Variants in DMD observed in about 807,000 individuals in gnomAD.
DMD encodes dystrophin.
A neutral mutation model predicts 330.1 loss-of-function variants in DMD; 63 were observed. The observed-to-expected ratio is 0.19, with a 90% CI of 0.16 to 0.24. The LOEUF (loss-of-function observed/expected upper bound fraction) is 0.24, where lower values mean the gene tolerates loss of function less well. Ranked by LOEUF, DMD falls within the 10% of genes least tolerant of loss-of-function variation. The pLI, the probability that DMD is intolerant of heterozygous loss-of-function variation, is 1.00. For missense variants in DMD, 3,344 were observed against 2,684.1 expected (o/e 1.25, Z -5.43); for synonymous variants, 1,223 against 959.8 (o/e 1.27, Z -5.07).
At chrX:31,679,683 C>T in intron 52 of DMD, 97 bp from the exon 53 acceptor site, 1 of 757,857 alleles carries the variant, frequency 1.3e-6, no homozygotes, top group Admixed American at 2.6e-5. Context: ...ATTTATGTTG[C>T]TTATTTAAAA....
At chrX:32,810,041 G>C (rs1382842696) in intron 6 of DMD, among the ~76,000 whole-genome samples, 1 of 109,298 alleles carries the variant, frequency 9.1e-6, no homozygotes, top group Non-Finnish European at 1.9e-5. Flanking sequence ...AGGATCACCT[G>C]AGCCCAGGGA....
intron 55 of DMD, among the ~76,000 whole-genome samples, chrX:31,614,489 A>T (rs780188967): frequency 5.3e-5 from 6 of 112,294 alleles, no homozygotes; most frequent in Non-Finnish European, 1.1e-4. Flanking sequence ...TGAATAGTCA[A>T]TAGTCAACAT....
intron 62 of DMD, among the ~76,000 whole-genome samples, chrX:31,292,339 T>C (rs1178341021): frequency 9.0e-6 from 1 of 111,482 alleles, no homozygotes; most frequent in African/African-American, 3.3e-5. Flanking sequence ...TCCAAAATGG[T>C]CAATAAATAC....
At chrX:32,509,559 A>G (rs1298273128) in intron 18 of DMD, among the ~76,000 whole-genome samples, 2 of 111,809 alleles carry the variant, frequency 1.8e-5, no homozygotes, top group African/African-American at 6.5e-5. Flanking sequence ...TCTCACATCT[A>G]TTCTCTTACT....
Position 31,786,552 on chromosome X carries a change from T to G in DMD, c.7310-12360A>C, listed in dbSNP as rs182941699. On this transcript the variant is annotated intron_variant, in intron 50 of 78. Transcript: ENST00000357033. The stretch of plus-strand genomic sequence containing the variant: ...CATCCTCATTGCAATATTTGTGGGG[T>G]AAGCAGAATATGCCAGTGCCTCTCT... 3.2e-3 allele frequency among the ~76,000 whole-genome samples: 358 copies of G among 111,541 alleles called. 3 individuals are homozygous for G. Among genetic ancestry groups the G allele is most frequent in the African/African-American group, 0.01 (317 of 30,681 alleles).
At chrX:33,338,288 A>G (rs2054284658) in intron 1 of DMD, among the ~76,000 whole-genome samples, 1 of 110,573 alleles carries the variant, frequency 9.0e-6, no homozygotes, top group Non-Finnish European at 1.9e-5. Flanking sequence ...CCTTTCTCCA[A>G]AAACTTTATT....
intron 7 of DMD, among the ~76,000 whole-genome samples, chrX:32,802,402 CTGAGA>C (rs1286236885): frequency 1.8e-5 from 2 of 111,835 alleles, no homozygotes; most frequent in Non-Finnish European, 3.8e-5. Context: ...AGATTTTCGG[CTGAGA>C]TGATGGGGTT....
At chrX:32,457,737 G>A (rs901703437) in intron 25 of DMD, among the ~76,000 whole-genome samples, 4 of 109,872 alleles carry the variant, frequency 3.6e-5, no homozygotes, top group Non-Finnish European at 7.6e-5. Flanking sequence ...AAAACAGACT[G>A]TTAGAGATCT....
intron 55 of DMD, among the ~76,000 whole-genome samples, chrX:31,622,517 G>A (rs183121464): frequency 9.1e-6 from 1 of 110,103 alleles, no homozygotes; most frequent in African/African-American, 3.3e-5. Context: ...CACCTTTCTT[G>A]GGGCCCTTAT....
At chrX:31,318,583 G>A (rs990858336) in intron 62 of DMD, among the ~76,000 whole-genome samples, 7 of 112,351 alleles carry the variant, frequency 6.2e-5, no homozygotes, top group Admixed American at 4.7e-4. Context: ...GAGATTGAGA[G>A]TGAAGAGAAG....
intron 7 of DMD, among the ~76,000 whole-genome samples, chrX:32,736,340 T>G (rs1322885999): frequency 9.0e-6 from 1 of 111,565 alleles, no homozygotes; most frequent in Non-Finnish European, 1.9e-5. Context: ...AGTTCAACCA[T>G]TGTGGAAGTC....
At chrX:32,615,354 G>T (rs184846252) in intron 11 of DMD, among the ~76,000 whole-genome samples, 1 of 111,032 alleles carries the variant, frequency 9.0e-6, no homozygotes, top group Non-Finnish European at 1.9e-5. Context: ...TCTACAACCA[G>T]GTTCTTAAAC....
At chrX:32,236,307 G>A (rs771609541) in intron 43 of DMD, among the ~76,000 whole-genome samples, 1 of 112,235 alleles carries the variant, frequency 8.9e-6, no homozygotes, top group Non-Finnish European at 1.9e-5. Flanking sequence ...GGTAGGACAT[G>A]CCATCCTCAG....
chrX:32,431,997 C>T (rs2098240300), intron 29 of DMD, among the ~76,000 whole-genome samples: 1 of 111,563 alleles, frequency 9.0e-6, no homozygotes, highest in South Asian at 3.7e-4. Flanking sequence ...TAGGACGCTC[C>T]TAACCTGGTG....
chrX:32,251,356 G>C (rs904294280), intron 43 of DMD, among the ~76,000 whole-genome samples: 2 of 110,573 alleles, frequency 1.8e-5, no homozygotes, highest in African/African-American at 6.6e-5. Flanking sequence ...GTTTCATGTA[G>C]ATGTTTCAGA....
At chrX:32,134,844 A>G (rs916943075) in intron 44 of DMD, among the ~76,000 whole-genome samples, 2 of 112,131 alleles carry the variant, frequency 1.8e-5, no homozygotes, top group Admixed American at 9.5e-5. Context: ...AAGTATCCTC[A>G]GAGATGAAAG....
intron 34 of DMD, among the ~76,000 whole-genome samples, chrX:32,374,910 G>A (rs1367773878): frequency 1.8e-5 from 2 of 111,603 alleles, no homozygotes. Flanking sequence ...ACAGAGAAAG[G>A]GATATGGAGC....
chrX:32,502,672 C>A (rs1041923795), intron 18 of DMD, among the ~76,000 whole-genome samples: 1 of 112,074 alleles, frequency 8.9e-6, no homozygotes, highest in Non-Finnish European at 1.9e-5. Context: ...ATAGTAAGAA[C>A]AACACACCTG....
intron 61 of DMD, among the ~76,000 whole-genome samples, chrX:31,344,564 A>T: frequency 9.0e-6 from 1 of 111,553 alleles, no homozygotes; most frequent in Non-Finnish European, 1.9e-5. Context: ...AAGAAAAGAG[A>T]GAGGCCGGGC....
Sources: allele counts gnomAD v4.1 joint callset (sites outside exome capture counted in the v4.1 genomes callset), GRCh38; gene constraint gnomAD v4.1.1; transcripts MANE v1.5; gene names NCBI Gene and HGNC (gene_info 2026-07-23, HGNC 2026-07-21).